GRID2: variants seen among roughly 807,000 people sequenced by gnomAD.
GRID2 encodes glutamate ionotropic receptor delta type subunit 2.
Under a neutral mutation model 114.8 loss-of-function variants are expected in GRID2, and 33 were observed. That is an observed-to-expected ratio of 0.29 (90% CI 0.22 to 0.38). The LOEUF is 0.38. GRID2 is among the 10% of genes least tolerant of loss of function. The probability of loss-of-function intolerance (pLI) is 1.00; values close to 1 mark genes in which losing one functional copy is unlikely to be tolerated. For synonymous variants in GRID2, 505 were observed against 449.9 expected, an observed-to-expected ratio of 1.12 and a Z score of -1.55; for missense variants, 1,184 against 1,257.7, an observed-to-expected ratio of 0.94 and a Z score of 0.89.
chr4:92,530,748 A>G (rs1725309428), intron 1 of GRID2, among the ~76,000 whole-genome samples: 1 of 151,202 alleles, frequency 6.6e-6, no homozygotes, highest in African/African-American at 2.4e-5. Context: ...AAAAAAAAAA[A>G]AAAAAAAAAT....
chr4:93,607,236 A>G (rs1012099827), intron 13 of GRID2, among the ~76,000 whole-genome samples: 2 of 152,158 alleles, frequency 1.3e-5, no homozygotes, highest in African/African-American at 4.8e-5. Flanking sequence ...ACGTACTAAC[A>G]TGTTTACACA....
chr4:92,858,741 T>C (rs185867319), intron 2 of GRID2, among the ~76,000 whole-genome samples: 35 of 152,194 alleles, frequency 2.3e-4, no homozygotes, highest in Non-Finnish European at 4.9e-4. Context: ...GTATTTTTAG[T>C]AGAGACGGGG....
chr4:93,787,555 G>A (rs534217489), intron 1 of GRID2, among the ~76,000 whole-genome samples: 2 of 152,154 alleles, frequency 1.3e-5, no homozygotes, highest in Admixed American at 6.5e-5. Flanking sequence ...ACCCTTACAT[G>A]GCTCCGTTAT....
chr4:93,188,817 C>T (rs1019806737), intron 4 of GRID2, among the ~76,000 whole-genome samples: 2 of 152,142 alleles, frequency 1.3e-5, no homozygotes, highest in African/African-American at 2.4e-5. Flanking sequence ...TTCCACGAAA[C>T]CCTGGGACAC....
intron 2 of GRID2, among the ~76,000 whole-genome samples, chr4:92,843,730 A>T (rs192243114): frequency 6.3e-4 from 96 of 152,270 alleles, no homozygotes; most frequent in Admixed American, 6.0e-3. Flanking sequence ...TTGGAAAGGG[A>T]GGATTTTTTA....
chr4:93,249,193 G>A (rs1392118267), intron 8 of GRID2, among the ~76,000 whole-genome samples: 1 of 152,030 alleles, frequency 6.6e-6, no homozygotes, highest in Admixed American at 6.6e-5. Context: ...GTTGTGTGGT[G>A]CTATTTCTGA....
At chr4:93,805,970 G>A (rs1735020690) in intron 1 of GRID2, among the ~76,000 whole-genome samples, 2 of 152,096 alleles carry the variant, frequency 1.3e-5, no homozygotes, top group Admixed American at 1.3e-4. Flanking sequence ...GGTGGCATGT[G>A]CCTGTGGTCC....
chr4:92,443,013 G>A (rs1261088287), intron 1 of GRID2, among the ~76,000 whole-genome samples: 47 of 152,082 alleles, frequency 3.1e-4, no homozygotes, highest in East Asian at 1.9e-4. Context: ...CTGGCGAGGA[G>A]CAGCCTGGGG....
chr4:93,756,838 C>T (rs1271509773), intron 14 of GRID2, among the ~76,000 whole-genome samples: 1 of 152,186 alleles, frequency 6.6e-6, no homozygotes, highest in Non-Finnish European at 1.5e-5. Flanking sequence ...AGTCACAATG[C>T]TTGTGGTGTA....
intron 4 of GRID2, among the ~76,000 whole-genome samples, chr4:93,173,554 A>G (rs1739053209): frequency 6.6e-6 from 1 of 152,172 alleles, no homozygotes; most frequent in Non-Finnish European, 1.5e-5. Context: ...TAAAACTTCC[A>G]TGTTAATATC....
At chr4:92,792,456 AACACACACACACACACAC>A (rs35204445) in intron 2 of GRID2, among the ~76,000 whole-genome samples, 22 of 136,180 alleles carry the variant, frequency 1.6e-4, no homozygotes, top group African/African-American at 2.5e-4. Context: ...CAGGCAAGAG[AACACACACACACACACAC>A]ACACACACAC....
chr4:93,733,331 G>T (rs1442412631), intron 14 of GRID2, among the ~76,000 whole-genome samples: 1 of 152,098 alleles, frequency 6.6e-6, no homozygotes, highest in Non-Finnish European at 1.5e-5. Context: ...GTTCACAACA[G>T]AAATTCCTGT....
At chr4:92,886,315 C>A (rs1029595784) in intron 2 of GRID2, among the ~76,000 whole-genome samples, 1 of 151,934 alleles carries the variant, frequency 6.6e-6, no homozygotes, top group Non-Finnish European at 1.5e-5. Context: ...TAGATATAAT[C>A]ATGAAAATAT....
At chr4:93,480,897 C>A (rs1473217982) in intron 11 of GRID2, among the ~76,000 whole-genome samples, 1 of 151,990 alleles carries the variant, frequency 6.6e-6, no homozygotes, top group Non-Finnish European at 1.5e-5. Context: ...ATTCCCACCT[C>A]CCTGAATCTC....
chr4:93,671,638 A>G (rs1724425794), intron 14 of GRID2, among the ~76,000 whole-genome samples: 1 of 152,140 alleles, frequency 6.6e-6, no homozygotes, highest in Non-Finnish European at 1.5e-5. Context: ...TGAAAGTTAA[A>G]TGTAAGTAGA....
Position 92,714,912 on chromosome 4 carries a change from T to C in GRID2, c.244+124626T>C, listed in dbSNP as rs535825750. Among the ~76,000 whole-genome samples the C allele has an allele frequency of 1.8e-4, 28 of 152,308 alleles. No individual in the cohort carries two copies. In the South Asian group the frequency reaches 5.8e-3, roughly 32 times the overall value. ...AGGTCTCTGACATGCCCTGGAGGCA[T>C]TTTCCCCATTGTCTTGGCGATTAAC... is the stretch of plus-strand genomic sequence containing the variant. On this transcript the variant is annotated intron_variant, in intron 2 of 15. Transcript: ENST00000282020.
intron 8 of GRID2, among the ~76,000 whole-genome samples, chr4:93,278,264 C>CT (rs1319339273): frequency 2.1e-5 from 2 of 96,780 alleles, no homozygotes; most frequent in African/African-American, 7.2e-5. Flanking sequence ...ATAATTTTGA[C>CT]TTTAAAAAAA....
intron 1 of GRID2, among the ~76,000 whole-genome samples, chr4:92,510,685 T>C (rs1003315041): frequency 4.0e-5 from 6 of 151,746 alleles, no homozygotes; most frequent in African/African-American, 1.5e-4. Flanking sequence ...CAATAAGTCA[T>C]AGTATGTTAC....
intron 8 of GRID2, among the ~76,000 whole-genome samples, chr4:93,278,290 G>A (rs377317165): frequency 8.7e-4 from 132 of 151,656 alleles, no homozygotes; most frequent in African/African-American, 3.0e-3. Flanking sequence ...CATGTTATTC[G>A]GTGAGACAAG....
Sources: allele counts gnomAD v4.1 joint callset (sites outside exome capture counted in the v4.1 genomes callset), GRCh38; gene constraint gnomAD v4.1.1; transcripts MANE v1.5; gene names NCBI Gene and HGNC (gene_info 2026-07-23, HGNC 2026-07-21).